CNIH3: variants seen among roughly 807,000 people sequenced by gnomAD.
CNIH3 encodes protein cornichon homolog 3.
In CNIH3, 14 loss-of-function variants were observed where a neutral mutation model predicts 24.1. The observed-to-expected ratio is 0.58, with a 90% CI of 0.38 to 0.91. CNIH3 has a LOEUF of 0.91. Ranked by LOEUF, CNIH3 falls within the 40% of genes least tolerant of loss-of-function variation. The pLI, the probability that CNIH3 is intolerant of heterozygous loss-of-function variation, is 0.00. For missense variants in CNIH3, 178 were observed against 196.8 expected, an observed-to-expected ratio of 0.90 and a Z score of 0.57; for synonymous variants, 68 against 73.8, an observed-to-expected ratio of 0.92 and a Z score of 0.40.
chr1:224,715,668 T>C (rs1572793271), intron 3 of CNIH3, among the ~76,000 whole-genome samples: 1 of 152,124 alleles, frequency 6.6e-6, no homozygotes, highest in Non-Finnish European at 1.5e-5. Context: ...TGGAAGCAGG[T>C]GTGTGCAGAG....
At chr1:224,667,206 T>G (rs541545366) in intron 1 of CNIH3, among the ~76,000 whole-genome samples, 3 of 152,296 alleles carry the variant, frequency 2.0e-5, no homozygotes, top group African/African-American at 7.2e-5. Context: ...ATTAGAATCC[T>G]CGAATTTCAT....
At chr1:224,461,587 A>C (rs1675914397) in intron 1 of CNIH3, among the ~76,000 whole-genome samples, 1 of 152,244 alleles carries the variant, frequency 6.6e-6, no homozygotes, top group South Asian at 2.1e-4. Flanking sequence ...TATACCTTAC[A>C]TAAATGATTT....
chr1:224,740,073 A>G lies in CNIH3; in HGVS notation c.*717A>G, dbSNP rs1689795086. 2 of 152,216 alleles carry G rather than the reference A, an allele frequency of 1.3e-5. No homozygotes were observed. Among genetic ancestry groups the G allele is most frequent in the African/African-American group, 4.8e-5 (2 of 41,432 alleles). 9.4% of individuals were successfully genotyped at this position (152,216 alleles called of 1,614,324 possible). ...CTTTTGCCACCTCAAACCATCACAG[A>G]GTCTTTAAATGCAAATCAATTGGTC... On this transcript the variant is annotated 3_prime_UTR_variant, in exon 6 of 6. Coordinates refer to ENST00000272133, the MANE Select transcript of CNIH3 (RefSeq NM_152495.2).
chr1:224,646,782 G>A (rs1222357090), intron 1 of CNIH3, among the ~76,000 whole-genome samples: 2 of 152,110 alleles, frequency 1.3e-5, no homozygotes, highest in Non-Finnish European at 2.9e-5. Context: ...AGTTCTCACC[G>A]GTTGACAGAA....
At chr1:224,650,475 C>T (rs1215305284) in intron 1 of CNIH3, among the ~76,000 whole-genome samples, 1 of 152,154 alleles carries the variant, frequency 6.6e-6, no homozygotes, top group Non-Finnish European at 1.5e-5. Flanking sequence ...CAAATGAACA[C>T]CAGAGCCAAG....
chr1:224,616,600 A>G lies in CNIH3; in HGVS notation c.-575A>G. On this transcript the variant is annotated 5_prime_UTR_variant, in exon 1 of 6. Coordinates refer to ENST00000272133, the MANE Select transcript of CNIH3 (RefSeq NM_152495.2). ...CAACGGGACCTACCTCCTCCCGGCT[A>G]CCTAAAGACTCCTTCTCTCGGGAAA... The G allele has an allele frequency of 2.0e-6, 2 of 986,720 alleles. No homozygotes were observed. The highest frequency in any genetic ancestry group is 1.2e-6 in the Non-Finnish European group (1 of 830,902). The allele number at this position is 986,720 out of a possible 1,614,324, so 61.1% of individuals were successfully genotyped here.
intron 1 of CNIH3, among the ~76,000 whole-genome samples, chr1:224,495,594 C>T (rs747021045): frequency 4.6e-5 from 7 of 152,124 alleles, no homozygotes; most frequent in Non-Finnish European, 1.0e-4. Flanking sequence ...GCAGTGGTGT[C>T]ACAAAGACGC....
intron 1 of CNIH3, among the ~76,000 whole-genome samples, chr1:224,448,204 T>C (rs1055245593): frequency 3.9e-5 from 6 of 151,950 alleles, no homozygotes; most frequent in Admixed American, 2.0e-4. Context: ...GCCACTGTAC[T>C]CCAGCCTGGA....
chr1:224,558,349 A>G (rs1680227594), intron 3 of CNIH3, among the ~76,000 whole-genome samples: 1 of 152,082 alleles, frequency 6.6e-6, no homozygotes, highest in South Asian at 2.1e-4. Flanking sequence ...TGGAAGTCCC[A>G]AAGTGTCATT....
At chr1:224,474,855 G>A (rs7527144) in intron 1 of CNIH3, among the ~76,000 whole-genome samples, 142 of 144,644 alleles carry the variant, frequency 9.8e-4, no homozygotes, top group African/African-American at 3.3e-3. Flanking sequence ...GTGAAACCCC[G>A]TCTCTACTAA....
At chr1:224,530,702 C>T (rs985671367) in intron 2 of CNIH3, among the ~76,000 whole-genome samples, 21 of 151,924 alleles carry the variant, frequency 1.4e-4, no homozygotes, top group African/African-American at 4.8e-4. Context: ...TGGGTTCAAG[C>T]GGTTCTCCTG....
At chr1:224,441,518 G>A (rs909067194) in intron 1 of CNIH3, among the ~76,000 whole-genome samples, 1 of 152,204 alleles carries the variant, frequency 6.6e-6, no homozygotes, top group Non-Finnish European at 1.5e-5. Context: ...GGCCCTTTGG[G>A]CAGTCTTCCT....
chr1:224,617,005 G>C lies in CNIH3; in HGVS notation c.-170G>C, dbSNP rs1334138799. On this transcript the variant is annotated 5_prime_UTR_variant, in exon 1 of 6. Coordinates refer to ENST00000272133, the MANE Select transcript of CNIH3 (RefSeq NM_152495.2). ...GGTCGCCGGAGCCTGCGGGAATCCA[G>C]CGCTTATTCGCTGACCCTCGAGTCG... is the stretch of plus-strand genomic sequence containing the variant. 10 of 1,414,814 alleles carry C rather than the reference G, an allele frequency of 7.1e-6. No homozygotes were observed. The highest frequency in any genetic ancestry group is 9.2e-6 in the Non-Finnish European group (10 of 1,089,292). 87.6% of individuals were successfully genotyped at this position (1,414,814 alleles called of 1,614,324 possible).
intron 1 of CNIH3, among the ~76,000 whole-genome samples, chr1:224,634,552 A>G (rs1339103906): frequency 3.3e-5 from 5 of 151,260 alleles, no homozygotes; most frequent in African/African-American, 1.2e-4. Flanking sequence ...CAGCCTGGGC[A>G]ACAGATTGAG....
Position 224,730,563 on chromosome 1 carries a change from T to G in CNIH3, c.300T>G (p.Tyr100Ter). ...GGCTGAATGTCCCTCTACTTTTCTA[T>G]CACTTCTGGAGGTAAGTCAGACTGG... ...TLGLNVPLLF[Y>*]HFWRYFHCPA... Residue 100 changes from tyrosine to a stop codon, truncating the protein, a stop_gained, in exon 4 of 6, where the codon TAT becomes TAG. Transcript: ENST00000272133. LOFTEE classifies it high-confidence loss of function. 3 of 1,551,530 alleles carry G rather than the reference T, an allele frequency of 1.9e-6. No individual in the cohort carries two copies. Among genetic ancestry groups the G allele is most frequent in the Non-Finnish European group, 2.6e-6 (3 of 1,145,180 alleles).
At chr1:224,434,733 C>G (rs1468653101) in exon 1 of CNIH3, 4 of 985,736 alleles carry the variant, frequency 4.1e-6, no homozygotes, top group Non-Finnish European at 4.8e-6. Context: ...GCTGCCGCCT[C>G]TGTCCTCGGA....
intron 3 of CNIH3, among the ~76,000 whole-genome samples, chr1:224,713,925 C>T (rs1396702469): frequency 1.3e-5 from 2 of 152,162 alleles, no homozygotes; most frequent in Non-Finnish European, 2.9e-5. Context: ...AGTGATCCTC[C>T]CACCTCAGCC....
chr1:224,565,623 A>G (rs1275747414), intron 3 of CNIH3: 5 of 152,386 alleles, frequency 3.3e-5, no homozygotes, highest in Admixed American at 6.6e-5. Context: ...CCCCTCCCTC[A>G]GCCCACTATG....
chr1:224,656,687 G>T (rs544791407), intron 1 of CNIH3, among the ~76,000 whole-genome samples: 3 of 152,146 alleles, frequency 2.0e-5, no homozygotes, highest in Non-Finnish European at 4.4e-5. Context: ...CTAACTTACT[G>T]TGCTTGTGGC....
Sources: allele counts gnomAD v4.1 joint callset (sites outside exome capture counted in the v4.1 genomes callset), GRCh38; gene constraint gnomAD v4.1.1; transcripts MANE v1.5; gene names NCBI Gene and HGNC (gene_info 2026-07-23, HGNC 2026-07-21).